Variants in ARHGAP6 observed in about 807,000 individuals in gnomAD.
The protein encoded by ARHGAP6 is rho GTPase-activating protein 6.
In ARHGAP6, 16 loss-of-function variants were observed where a neutral mutation model predicts 55.7. The ratio of observed to expected loss-of-function variants is 0.29; its 90% CI spans 0.19 to 0.44. The LOEUF (loss-of-function observed/expected upper bound fraction) is 0.44, where lower values mean the gene tolerates loss of function less well. Ranked by LOEUF, ARHGAP6 falls within the 20% of genes least tolerant of loss-of-function variation. The pLI, the probability that ARHGAP6 is intolerant of heterozygous loss-of-function variation, is 1.00. For missense variants in ARHGAP6, 698 were observed against 808.9 expected (o/e 0.86, Z 1.66); for synonymous variants, 382 against 360.9 (o/e 1.06, Z -0.66).
At chrX:11,146,085 G>T (rs1015175213) in intron 10 of ARHGAP6, among the ~76,000 whole-genome samples, 4 of 112,447 alleles carry the variant, frequency 3.6e-5, no homozygotes, top group African/African-American at 1.3e-4. Context: ...TGACCTTGGG[G>T]TGACTGAGGC....
At chrX:11,367,915 C>T in intron 1 of ARHGAP6, 1 of 356,758 alleles carries the variant, frequency 2.8e-6, no homozygotes, top group South Asian at 1.4e-4. Context: ...GTTTCCTGCA[C>T]TGACCTGGAA....
chrX:11,484,622 AAAAG>A (rs1402761332), intron 1 of ARHGAP6, among the ~76,000 whole-genome samples: 1 of 110,956 alleles, frequency 9.0e-6, no homozygotes, highest in African/African-American at 3.3e-5. Flanking sequence ...AGAAAAGAGA[AAAAG>A]AAAATAAATA....
chrX:11,310,761 A>G (rs1225035087), intron 1 of ARHGAP6, among the ~76,000 whole-genome samples: 3 of 111,563 alleles, frequency 2.7e-5, no homozygotes, highest in African/African-American at 9.9e-5. Flanking sequence ...GGTCCCCAGC[A>G]CATTCAGACC....
chrX:11,231,949 T>C (rs1350810375), intron 2 of ARHGAP6, among the ~76,000 whole-genome samples: 1 of 112,401 alleles, frequency 8.9e-6, no homozygotes, highest in East Asian at 2.8e-4. Flanking sequence ...AGCTATTAGT[T>C]ACCAATATCT....
At chrX:11,363,626 G>T (rs2049039239) in intron 1 of ARHGAP6, among the ~76,000 whole-genome samples, 1 of 111,869 alleles carries the variant, frequency 8.9e-6, no homozygotes, top group Non-Finnish European at 1.9e-5. Flanking sequence ...TAACAGCTAG[G>T]TGTCATCTCC....
At chrX:11,274,763 C>T in intron 1 of ARHGAP6, among the ~76,000 whole-genome samples, 1 of 110,975 alleles carries the variant, frequency 9.0e-6, no homozygotes, top group Middle Eastern at 4.7e-3. Context: ...AGCTATTTAT[C>T]CTGATGCTCT....
chrX:11,414,476 GA>G (rs760480555), intron 1 of ARHGAP6, among the ~76,000 whole-genome samples: 42 of 109,183 alleles, frequency 3.8e-4, no homozygotes, highest in South Asian at 3.2e-3. Context: ...ATAGTTTGTT[GA>G]CCCCTGATTT....
intron 1 of ARHGAP6, among the ~76,000 whole-genome samples, chrX:11,507,462 C>T (rs1053917866): frequency 6.3e-5 from 7 of 111,638 alleles, no homozygotes; most frequent in African/African-American, 1.6e-4. Flanking sequence ...ACTGTTTCTG[C>T]GGCATAAAGT....
intron 1 of ARHGAP6, among the ~76,000 whole-genome samples, chrX:11,619,695 T>C (rs2052205869): frequency 1.8e-5 from 2 of 112,219 alleles, no homozygotes; most frequent in Non-Finnish European, 3.8e-5. Context: ...CAGATGAGCA[T>C]ATCAGCCTCA....
intron 1 of ARHGAP6, among the ~76,000 whole-genome samples, chrX:11,555,171 T>C: frequency 8.9e-6 from 1 of 112,019 alleles, no homozygotes; most frequent in South Asian, 3.7e-4. Context: ...TTCAAATTAA[T>C]TCAACAATAT....
intron 1 of ARHGAP6, among the ~76,000 whole-genome samples, chrX:11,608,721 T>C (rs957656436): frequency 1.8e-5 from 2 of 111,618 alleles, no homozygotes; most frequent in African/African-American, 6.5e-5. Flanking sequence ...GTTCTCATGG[T>C]AGTAAGTCTC....
intron 1 of ARHGAP6, among the ~76,000 whole-genome samples, chrX:11,566,301 A>G (rs1181309034): frequency 3.6e-5 from 4 of 111,774 alleles, no homozygotes; most frequent in Non-Finnish European, 7.5e-5. Context: ...GCATATAGAG[A>G]ATGTTTACTC....
At chrX:11,406,785 A>G (rs2049614699) in intron 1 of ARHGAP6, among the ~76,000 whole-genome samples, 1 of 111,711 alleles carries the variant, frequency 9.0e-6, no homozygotes, top group Non-Finnish European at 1.9e-5. Flanking sequence ...GACATAAAAT[A>G]AACTGTCACC....
chrX:11,227,843 C>A (rs1293651253), intron 2 of ARHGAP6, among the ~76,000 whole-genome samples: 2 of 105,327 alleles, frequency 1.9e-5, no homozygotes, highest in Non-Finnish European at 3.9e-5. Flanking sequence ...CCAACTAAGT[C>A]GACATCAGTC....
rs180779498 is a variant in ARHGAP6 at position 11,145,738 on chromosome X, G to A, written c.1908-1490C>T. Among the ~76,000 whole-genome samples the A allele has an allele frequency of 8.0e-5, 9 of 112,413 alleles. No homozygotes were observed. The East Asian group carries it at 2.2e-3, about 28-fold the overall frequency. ...GTGCAAAATGAACATGTGATGCCCC[G>A]TGTTTAAAAAGCGTTAAGCATTTCA... On this transcript the variant is annotated intron_variant, in intron 10 of 12. Transcript: ENST00000337414.
At chrX:11,623,696 CAAAAA>C (rs60192011) in intron 1 of ARHGAP6, among the ~76,000 whole-genome samples, 20 of 57,909 alleles carry the variant, frequency 3.5e-4, no homozygotes, top group Non-Finnish European at 5.6e-4. Context: ...GACTCGGTCT[CAAAAA>C]AAAAAAAAAA....
intron 1 of ARHGAP6, among the ~76,000 whole-genome samples, chrX:11,342,719 C>G (rs944864174): frequency 8.9e-6 from 1 of 112,177 alleles, no homozygotes; most frequent in African/African-American, 3.2e-5. Flanking sequence ...TAACACCTAA[C>G]TTTATACTAG....
intron 1 of ARHGAP6, among the ~76,000 whole-genome samples, chrX:11,510,196 T>C (rs1411991429): frequency 3.6e-5 from 4 of 111,666 alleles, no homozygotes; most frequent in Non-Finnish European, 7.5e-5. Context: ...AGTTATCCCC[T>C]CCAGAAATAA....
chrX:11,505,777 T>A (rs539514580), intron 1 of ARHGAP6, among the ~76,000 whole-genome samples: 3 of 111,517 alleles, frequency 2.7e-5, no homozygotes, highest in African/African-American at 9.8e-5. Flanking sequence ...AGGCCATTAT[T>A]CTTAGCAAAC....
Sources: allele counts gnomAD v4.1 joint callset (sites outside exome capture counted in the v4.1 genomes callset), GRCh38; gene constraint gnomAD v4.1.1; transcripts MANE v1.5; gene names NCBI Gene and HGNC (gene_info 2026-07-23, HGNC 2026-07-21).